DOCK2: variants seen among roughly 807,000 people sequenced by gnomAD.
The protein encoded by DOCK2 is dedicator of cytokinesis protein 2.
Under a neutral mutation model 248.9 loss-of-function variants are expected in DOCK2, and 87 were observed. That is an observed-to-expected ratio of 0.35 (90% CI 0.29 to 0.42). The LOEUF is 0.42. DOCK2 is among the 10% of genes least tolerant of loss of function. The probability of loss-of-function intolerance (pLI) is 1.00; values close to 1 mark genes in which losing one functional copy is unlikely to be tolerated. For missense variants in DOCK2, 1,747 were observed against 2,300.2 expected (o/e 0.76, Z 4.92); for synonymous variants, 805 against 821.6 (o/e 0.98, Z 0.35).
chr5:170,009,109 C>T (rs957470378), intron 32 of DOCK2, among the ~76,000 whole-genome samples: 1 of 151,932 alleles, frequency 6.6e-6, no homozygotes, highest in Non-Finnish European at 1.5e-5. Flanking sequence ...TCCTGTATAG[C>T]GTGGTCCACA....
intron 23 of DOCK2, among the ~76,000 whole-genome samples, chr5:169,750,165 G>A (rs965852482): frequency 2.0e-5 from 3 of 152,218 alleles, no homozygotes; most frequent in East Asian, 1.9e-4. Context: ...AGAAGTTGAG[G>A]TGCCATGGAG....
chr5:169,714,479 T>C, intron 19 of DOCK2, 22 bp downstream of exon 19: 1 of 1,612,982 alleles, frequency 6.2e-7, no homozygotes, highest in Admixed American at 1.7e-5. Context: ...TTCATTTTGA[T>C]TGTATTCTTA....
chr5:169,809,358 G>T (rs1210306281), intron 26 of DOCK2, among the ~76,000 whole-genome samples: 1 of 152,202 alleles, frequency 6.6e-6, no homozygotes, highest in Non-Finnish European at 1.5e-5. Flanking sequence ...TTAGTGCAGT[G>T]TCTCTTGCTT....
intron 33 of DOCK2, among the ~76,000 whole-genome samples, chr5:170,025,887 C>T (rs1314928904): frequency 6.7e-6 from 1 of 148,180 alleles, no homozygotes; most frequent in Non-Finnish European, 1.5e-5. Context: ...ATCCATTCTT[C>T]TCTGCTCAAG....
At chr5:169,926,169 A>G (rs960092546) in intron 27 of DOCK2, among the ~76,000 whole-genome samples, 2 of 152,160 alleles carry the variant, frequency 1.3e-5, no homozygotes, top group African/African-American at 2.4e-5. Context: ...AGGAGTTCCT[A>G]TAGTCGGCAT....
At chr5:169,813,306 A>G (rs1581228924) in intron 26 of DOCK2, among the ~76,000 whole-genome samples, 1 of 152,238 alleles carries the variant, frequency 6.6e-6, no homozygotes, top group African/African-American at 2.4e-5. Context: ...AGCTGGCTCC[A>G]TTTTATTTTT....
chr5:170,054,284 G>C (rs1381960913), intron 41 of DOCK2, among the ~76,000 whole-genome samples: 1 of 152,218 alleles, frequency 6.6e-6, no homozygotes, highest in Non-Finnish European at 1.5e-5. Flanking sequence ...TGGTCATTGG[G>C]TAGAATAGAG....
intron 13 of DOCK2, among the ~76,000 whole-genome samples, chr5:169,701,498 T>A (rs1760966218): frequency 6.6e-6 from 1 of 151,930 alleles, no homozygotes; most frequent in African/African-American, 2.4e-5. Flanking sequence ...GATTTTCTAT[T>A]CCTTTTTTTT....
At chr5:170,062,100 AGTGTGTGTGT>A (rs148650076) in intron 44 of DOCK2, among the ~76,000 whole-genome samples, 66 of 144,510 alleles carry the variant, frequency 4.6e-4, no homozygotes, top group African/African-American at 8.3e-4. Context: ...TATGTATATG[AGTGTGTGTGT>A]GTGTGTGTGT....
intron 27 of DOCK2, among the ~76,000 whole-genome samples, chr5:169,922,961 G>A (rs1775252233): frequency 6.6e-6 from 1 of 152,194 alleles, no homozygotes; most frequent in Admixed American, 6.5e-5. Flanking sequence ...TAAGCACTTT[G>A]TAAATATCGA....
At chr5:169,876,944 C>T (rs147099138) in intron 27 of DOCK2, among the ~76,000 whole-genome samples, 238 of 152,298 alleles carry the variant, frequency 1.6e-3, no homozygotes, top group Non-Finnish European at 2.8e-3. Flanking sequence ...CTTTGAGAGA[C>T]TAGCCATTTG....
chr5:169,786,923 A>T (rs908221007), intron 25 of DOCK2, among the ~76,000 whole-genome samples: 2 of 152,228 alleles, frequency 1.3e-5, no homozygotes, highest in African/African-American at 4.8e-5. Flanking sequence ...GTATATTTTC[A>T]TTACCCAGAA....
At chr5:169,756,917 C>T (rs1464514497) in intron 23 of DOCK2, among the ~76,000 whole-genome samples, 37 of 142,950 alleles carry the variant, frequency 2.6e-4, no homozygotes, top group South Asian at 1.2e-3. Flanking sequence ...AAGAGTGAAA[C>T]TCTGTCTCAA....
chr5:169,748,317 A>C (rs546488233), intron 23 of DOCK2, among the ~76,000 whole-genome samples: 1 of 152,132 alleles, frequency 6.6e-6, no homozygotes, highest in Admixed American at 6.5e-5. Context: ...CAGCCTGGGG[A>C]ATGTTTGCTT....
intron 23 of DOCK2, among the ~76,000 whole-genome samples, chr5:169,751,838 A>G (rs569843286): frequency 6.2e-4 from 95 of 152,274 alleles, no homozygotes; most frequent in Middle Eastern, 3.4e-3. Context: ...ATCTTCATAT[A>G]CAGTGTTTTA....
intron 27 of DOCK2, among the ~76,000 whole-genome samples, chr5:169,941,134 GT>G (rs1360117624): frequency 1.3e-5 from 2 of 152,288 alleles, no homozygotes; most frequent in Admixed American, 1.3e-4. Flanking sequence ...AAAGCACAGG[GT>G]GTCGGGAGAG....
chr5:169,699,428 A>G lies in DOCK2; in HGVS notation c.1102A>G (p.Ile368Val). 6.2e-7 allele frequency: 1 copy of G among 1,613,538 alleles called. No homozygotes were observed. Among genetic ancestry groups the G allele is most frequent in the Non-Finnish European group, 8.5e-7 (1 of 1,179,640 alleles). Residue 368 changes from isoleucine (I) to valine (V), a missense_variant, in exon 12 of 52, where the codon ATA (isoleucine) becomes GTA (valine). Coordinates refer to ENST00000520908, the MANE Select transcript of DOCK2 (RefSeq NM_004946.3). ...CCTACACAGCCTGCTGGGCAAAGTC[A>G]TAGCCTCCAAGGGGGACAGTGGAGG... ...DFLHSLLGKV[I>V]ASKGDSGGQG...
At chr5:169,845,659 G>A (rs762311964) in intron 27 of DOCK2, among the ~76,000 whole-genome samples, 1 of 152,200 alleles carries the variant, frequency 6.6e-6, no homozygotes, top group Non-Finnish European at 1.5e-5. Flanking sequence ...ATTTCAGGGA[G>A]TAAGGAATTG....
At chr5:169,779,705 C>CCG (rs1236935819) in intron 25 of DOCK2, among the ~76,000 whole-genome samples, 1 of 152,148 alleles carries the variant, frequency 6.6e-6, no homozygotes, top group Admixed American at 6.5e-5. Flanking sequence ...CACCCCACCC[C>CCG]CGCATCATCC....
Sources: allele counts gnomAD v4.1 joint callset (sites outside exome capture counted in the v4.1 genomes callset), GRCh38; gene constraint gnomAD v4.1.1; transcripts MANE v1.5; gene names NCBI Gene and HGNC (gene_info 2026-07-23, HGNC 2026-07-21).